Variants in CSGALNACT1 observed in about 807,000 individuals in gnomAD.
CSGALNACT1 encodes the protein beta4GalNAcT-1.
CSGALNACT1 carries 52 observed loss-of-function variants against 51.0 expected under a neutral mutation model. That is an observed-to-expected ratio of 1.02 (90% CI 0.82 to 1.29). The LOEUF (loss-of-function observed/expected upper bound fraction) is 1.29. Ranked by LOEUF, CSGALNACT1 falls within the 50% of genes most tolerant of loss-of-function variation. The pLI is 0.00. For synonymous variants in CSGALNACT1, 341 were observed against 254.4 expected (o/e 1.34, Z -3.24); for missense variants, 935 against 679.2 (o/e 1.38, Z -4.19).
At chr8:19,405,035 C>G in exon 10 of CSGALNACT1, 1 of 453,334 alleles carries the variant, frequency 2.2e-6, no homozygotes, top group Non-Finnish European at 4.4e-6. Context: ...TCTCATAATG[C>G]ATCTCAAAGT....
chr8:19,586,434 A>G (rs1183319391), intron 3 of CSGALNACT1, among the ~76,000 whole-genome samples: 1 of 151,914 alleles, frequency 6.6e-6, no homozygotes, highest in Non-Finnish European at 1.5e-5. Context: ...GAAGAAGAAG[A>G]ACTTAGACAA....
intron 6 of CSGALNACT1, among the ~76,000 whole-genome samples, chr8:19,424,199 G>A (rs1332913364): frequency 1.3e-5 from 2 of 152,180 alleles, no homozygotes; most frequent in African/African-American, 4.8e-5. Context: ...TGGGGACAGA[G>A]TCACTGCTGG....
At chr8:19,586,932 T>C (rs2046792705) in intron 3 of CSGALNACT1, among the ~76,000 whole-genome samples, 1 of 152,226 alleles carries the variant, frequency 6.6e-6, no homozygotes, top group Admixed American at 6.5e-5. Flanking sequence ...GAAAAATATC[T>C]CACAACTCTA....
At chr8:19,406,819 C>T (rs1361500296) in intron 9 of CSGALNACT1, among the ~76,000 whole-genome samples, 2 of 152,116 alleles carry the variant, frequency 1.3e-5, no homozygotes, top group Middle Eastern at 3.2e-3. Context: ...AGTGATTCTC[C>T]TGCCTCAGCC....
intron 6 of CSGALNACT1, among the ~76,000 whole-genome samples, chr8:19,430,046 T>C (rs899632545): frequency 1.3e-5 from 2 of 152,244 alleles, no homozygotes; most frequent in Non-Finnish European, 2.9e-5. Context: ...TCCAAGTCTT[T>C]TGTTCATTTT....
intron 3 of CSGALNACT1, among the ~76,000 whole-genome samples, chr8:19,510,909 A>G (rs1425713364): frequency 1.3e-5 from 2 of 152,192 alleles, no homozygotes; most frequent in Non-Finnish European, 2.9e-5. Flanking sequence ...GCATACCGGG[A>G]TTTCTATGAC....
chr8:19,561,134 A>G (rs2040612472), intron 3 of CSGALNACT1, among the ~76,000 whole-genome samples: 1 of 152,196 alleles, frequency 6.6e-6, no homozygotes, highest in Non-Finnish European at 1.5e-5. Context: ...CAAGGCAATT[A>G]TCATAAAAAT....
intron 6 of CSGALNACT1, among the ~76,000 whole-genome samples, chr8:19,430,231 T>G (rs1390123972): frequency 6.6e-6 from 1 of 152,226 alleles, no homozygotes; most frequent in East Asian, 1.9e-4. Flanking sequence ...TATTCTCTAG[T>G]TGCTAGGGTT....
At chr8:19,505,946 C>T in exon 4 of CSGALNACT1, 1 of 1,244,752 alleles carries the variant, frequency 8.0e-7, no homozygotes, top group Non-Finnish European at 1.1e-6. Context: ...GCCCCCGGAG[C>T]TGCTTGCATC....
chr8:19,586,336 G>C (rs745405096), intron 3 of CSGALNACT1, among the ~76,000 whole-genome samples: 2 of 151,242 alleles, frequency 1.3e-5, no homozygotes, highest in African/African-American at 2.4e-5. Flanking sequence ...TCCAGCCTGG[G>C]CAACAGAGCA....
Position 19,740,475 on chromosome 8 carries a change from C to A in CSGALNACT1, c.-297+17375G>T, listed in dbSNP as rs28661580. On this transcript the variant is annotated intron_variant, in intron 1 of 1. Transcript: ENST00000517494. ...GCAGAGGCTTCTTCAAATAAATCCC[C>A]TCACACATCCAGTACCAGTGTTTTA... Among the ~76,000 whole-genome samples, 863 of 152,354 alleles carry A rather than the reference C, an allele frequency of 5.7e-3. 5 individuals are homozygous for A. The highest frequency in any genetic ancestry group is 0.02 in the African/African-American group (819 of 41,584).
chr8:19,620,959 T>A (rs2053748344), intron 1 of CSGALNACT1, among the ~76,000 whole-genome samples: 1 of 152,164 alleles, frequency 6.6e-6, no homozygotes, highest in Admixed American at 6.5e-5. Context: ...GTGGGAATCA[T>A]CTATTTTGCA....
intron 3 of CSGALNACT1, among the ~76,000 whole-genome samples, chr8:19,509,908 G>A (rs550800042): frequency 6.6e-6 from 1 of 152,244 alleles, no homozygotes; most frequent in African/African-American, 2.4e-5. Flanking sequence ...ACTATTTTAA[G>A]AACTTAGAAA....
At chr8:19,618,483 T>C (rs1414603311) in intron 1 of CSGALNACT1, among the ~76,000 whole-genome samples, 1 of 151,024 alleles carries the variant, frequency 6.6e-6, no homozygotes, top group Non-Finnish European at 1.5e-5. Context: ...TCTACTAAAA[T>C]ATAAAAATTA....
chr8:19,572,072 T>C (rs754659322), intron 3 of CSGALNACT1, among the ~76,000 whole-genome samples: 21 of 152,366 alleles, frequency 1.4e-4, no homozygotes, highest in Middle Eastern at 3.4e-3. Flanking sequence ...GTTTTTCTCA[T>C]GTTGAGAACA....
chr8:19,455,084 T>C (rs1430601961), intron 5 of CSGALNACT1, among the ~76,000 whole-genome samples: 1 of 152,226 alleles, frequency 6.6e-6, no homozygotes. Context: ...GATGTTCAAC[T>C]CATGTTAATA....
intron 2 of CSGALNACT1, among the ~76,000 whole-genome samples, chr8:19,592,410 T>C (rs1186764908): frequency 6.6e-6 from 1 of 152,252 alleles, no homozygotes; most frequent in East Asian, 1.9e-4. Flanking sequence ...TATATTTATT[T>C]ATGTACGTAT....
chr8:19,554,410 G>T (rs1161661892), intron 3 of CSGALNACT1, among the ~76,000 whole-genome samples: 1 of 152,112 alleles, frequency 6.6e-6, no homozygotes, highest in Non-Finnish European at 1.5e-5. Context: ...ATAATGCAGG[G>T]CCAAGATCCT....
chr8:19,469,758 C>T (rs866912306), intron 4 of CSGALNACT1, among the ~76,000 whole-genome samples: 6 of 152,176 alleles, frequency 3.9e-5, no homozygotes, highest in African/African-American at 1.2e-4. Context: ...CAGACACTCT[C>T]TGTTACCTTT....
Sources: allele counts gnomAD v4.1 joint callset (sites outside exome capture counted in the v4.1 genomes callset), GRCh38; gene constraint gnomAD v4.1.1; transcripts MANE v1.5; gene names NCBI Gene and HGNC (gene_info 2026-07-23, HGNC 2026-07-21).